PARP9: variants seen among roughly 807,000 people sequenced by gnomAD.
PARP9 encodes the protein protein mono-ADP-ribosyltransferase PARP9.
In PARP9, 48 loss-of-function variants were observed where a neutral mutation model predicts 68.8. That is an observed-to-expected ratio of 0.70 (90% confidence interval 0.55 to 0.89). PARP9 has a LOEUF of 0.89. PARP9 is among the 40% of genes least tolerant of loss of function. PARP9 has a pLI of 0.00. For synonymous variants in PARP9, 309 were observed against 333.8 expected (o/e 0.93, Z 0.81); for missense variants, 806 against 969.3 (o/e 0.83, Z 2.24).
chr3:122,564,584 C>T, upstream of PARP9: 1 of 1,601,550 alleles, frequency 6.2e-7, no homozygotes, highest in Non-Finnish European at 8.5e-7. Flanking sequence ...GCCCCGGGCA[C>T]CTTCCGGGTG....
Position 122,528,132 on chromosome 3 carries a change from G to A in PARP9, c.*232C>T, listed in dbSNP as rs1031075019. On this transcript the variant is annotated 3_prime_UTR_variant, in exon 11 of 11. Coordinates refer to ENST00000682323, the MANE Select transcript of PARP9 (RefSeq NM_001146105.2). ...GGAGATTAAAGAACAACTGCAAGAG[G>A]AAGGAAGGTCCTGAAAGTGTTTCAT... The A allele has an allele frequency of 2.5e-6, 1 of 400,232 alleles. No homozygotes were observed. Among genetic ancestry groups the A allele is most frequent in the Non-Finnish European group, 4.4e-6 (1 of 226,798 alleles). 24.8% of individuals were successfully genotyped at this position (400,232 alleles called of 1,614,324 possible). A position where few individuals can be genotyped will look rare whatever the true frequency, so the allele number is the denominator to read the frequency against.
chr3:122,537,278 T>C (rs2077720556), intron 8 of PARP9, among the ~76,000 whole-genome samples: 1 of 152,188 alleles, frequency 6.6e-6, no homozygotes, highest in Non-Finnish European at 1.5e-5. Flanking sequence ...TTTGGATGAT[T>C]TGAATCATGA....
Position 122,528,635 on chromosome 3 carries a change from T to C in PARP9, c.2189A>G (p.Glu730Gly), listed in dbSNP as rs770025066. ...CTGGCAGAAGAAGCCTGTGAGTACT[T>C]CAGCCTCAAACACATAGATCAGCTT... ...ADKLIYVFEA[E>G]VLTGFFCQGH... Residue 730 changes from glutamate (E) to glycine (G), a missense_variant, in exon 11 of 11, where the codon GAA becomes GGA. Transcript: ENST00000682323. 2 of 1,614,198 alleles carry C rather than the reference T, an allele frequency of 1.2e-6. No individual in the cohort carries two copies. The highest frequency in any genetic ancestry group is 1.7e-6 in the Non-Finnish European group (2 of 1,180,026).
At chr3:122,544,611 G>A (rs2078545931) in intron 7 of PARP9, among the ~76,000 whole-genome samples, 1 of 151,950 alleles carries the variant, frequency 6.6e-6, no homozygotes, top group South Asian at 2.1e-4. Context: ...GAGCCCAGGA[G>A]TTTAAGACCA....
chr3:122,535,018 G>A (rs193155259), intron 10 of PARP9: 2 of 978,328 alleles, frequency 2.0e-6, no homozygotes, highest in African/African-American at 3.5e-5. Context: ...TAGATGTTGG[G>A]TAGGCAAGTA....
intron 9 of PARP9, 50 bp from the exon 10 acceptor site, chr3:122,536,392 T>C (rs1236571571): frequency 6.3e-7 from 1 of 1,592,034 alleles, no homozygotes; most frequent in African/African-American, 1.4e-5. Context: ...GAACCGCTCT[T>C]TAAATTGCCT....
intron 9 of PARP9, chr3:122,536,671 C>A (rs915505553): frequency 5.6e-6 from 3 of 536,248 alleles, no homozygotes; most frequent in Non-Finnish European, 9.6e-6. Flanking sequence ...AATGCTATTC[C>A]ACTTCTTTTA....
chr3:122,556,092 A>G lies in PARP9; in HGVS notation c.79T>C (p.Trp27Arg). Residue 27 changes from tryptophan (W) to arginine (R), a missense_variant, in exon 4 of 11, where the codon TGG (tryptophan) becomes CGG (arginine). Coordinates refer to ENST00000682323, the MANE Select transcript of PARP9 (RefSeq NM_001146105.2). ...TCATTGTGGTTAATGGGAATTTGCC[A>G]ACTATAGTTTTCTCCAAGAGCACCA... ...ETGALGENYS[W>R]QIPINHNDFK... The G allele has an allele frequency of 6.5e-7, 1 of 1,535,010 alleles. No homozygotes were observed. Among genetic ancestry groups the G allele is most frequent in the Non-Finnish European group, 8.8e-7 (1 of 1,131,792 alleles).
At chr3:122,552,788 G>T (rs547461960) in intron 4 of PARP9, 149 bp from the exon 5 acceptor site, 1 of 610,886 alleles carries the variant, frequency 1.6e-6, no homozygotes, top group African/African-American at 1.9e-5. Flanking sequence ...ATAGAAACTC[G>T]TATTTCCAAA....
chr3:122,539,516 T>TTTCTTTCC (rs2077959583), intron 8 of PARP9, among the ~76,000 whole-genome samples: 2 of 23,678 alleles, frequency 8.4e-5, no homozygotes, highest in Non-Finnish European at 9.2e-5. Context: ...CATTTCTTTC[T>TTTCTTTCC]TTCTTTCTTT....
At position 122,540,839 on chromosome 3, in the gene PARP9, G is replaced by T; in HGVS notation, c.1398C>A (p.Thr466=). 6.2e-7 allele frequency: 1 copy of T among 1,612,728 alleles called. No individual in the cohort carries two copies. The highest frequency in any genetic ancestry group is 8.5e-7 in the Non-Finnish European group (1 of 1,179,440). The part of the protein sequence containing the change: ...SLNNYSVPQS[T]REEKRENGLE... ...GCCCATTTTCTCTTTTCTCCTCTCT[G>T]GTTGACTGGGGGACTGAAATGACTA... Residue 466 remains threonine, a synonymous_variant, in exon 8 of 11, where the codon ACC becomes ACA. Coordinates refer to ENST00000682323, the MANE Select transcript of PARP9 (RefSeq NM_001146105.2).
chr3:122,552,655 A>G lies in PARP9; in HGVS notation c.886-16T>C. Reference sequence around the variant, plus strand: ...TTACATCTGCCTGAAAAGGGAAGAAAGGGTAGGATTCATTGTTAAATTCCT... The same window carrying G: ...TTACATCTGCCTGAAAAGGGAAGAAGGGGTAGGATTCATTGTTAAATTCCT... On this transcript the variant is annotated splice_polypyrimidine_tract_variant and intron_variant, in intron 4 of 10. Coordinates refer to ENST00000682323, the MANE Select transcript of PARP9 (RefSeq NM_001146105.2). The G allele has an allele frequency of 6.4e-7, 1 of 1,557,760 alleles. No individual in the cohort carries two copies. Among genetic ancestry groups the G allele is most frequent in the Non-Finnish European group, 8.8e-7 (1 of 1,129,950 alleles).
intron 10 of PARP9, among the ~76,000 whole-genome samples, chr3:122,531,554 G>A (rs1049867996): frequency 1.3e-5 from 2 of 152,118 alleles, no homozygotes; most frequent in Admixed American, 6.5e-5. Flanking sequence ...TCAGGAGTTC[G>A]AGACCAGCCT....
intron 8 of PARP9, 134 bp from the exon 9 acceptor site, chr3:122,537,207 T>C: frequency 1.1e-6 from 1 of 892,086 alleles, no homozygotes; most frequent in Non-Finnish European, 1.7e-6. Flanking sequence ...GTTTAGGACA[T>C]GCGAGGAGAG....
chr3:122,553,997 C>CT (rs1380776187), intron 4 of PARP9, among the ~76,000 whole-genome samples: 1 of 152,176 alleles, frequency 6.6e-6, no homozygotes, highest in Non-Finnish European at 1.5e-5. Flanking sequence ...ACTCCTTCCC[C>CT]TTCCCTGCCA....
At chr3:122,546,267 C>G (rs577754062) in intron 6 of PARP9, among the ~76,000 whole-genome samples, 2 of 152,310 alleles carry the variant, frequency 1.3e-5, no homozygotes, top group East Asian at 1.9e-4. Flanking sequence ...TAATCTTGAG[C>G]TTTTCCCAGG....
intron 6 of PARP9, among the ~76,000 whole-genome samples, chr3:122,550,200 C>T (rs2079087291): frequency 6.6e-6 from 1 of 152,156 alleles, no homozygotes; most frequent in African/African-American, 2.4e-5. Context: ...TTGCCTCAGC[C>T]TCCCTAGTAG....
At chr3:122,552,094 T>C (rs1371880006) in intron 5 of PARP9, among the ~76,000 whole-genome samples, 3 of 151,760 alleles carry the variant, frequency 2.0e-5, no homozygotes, top group Non-Finnish European at 2.9e-5. Flanking sequence ...TTTTTTTTTC[T>C]TTTTGGTAGA....
chr3:122,543,249 C>A (rs1363562968), intron 7 of PARP9, among the ~76,000 whole-genome samples: 1 of 150,712 alleles, frequency 6.6e-6, no homozygotes, highest in African/African-American at 2.4e-5. Context: ...CACCTCTCTG[C>A]CTTCCTAAAT....
Sources: gnomAD v4.1 joint callset for allele counts (sites outside exome capture counted in the v4.1 genomes callset) on GRCh38, gnomAD v4.1.1 for gene constraint, MANE v1.5 for transcripts, NCBI Gene and HGNC (gene_info 2026-07-23, HGNC 2026-07-21) for gene names.